The following ASTN2 variants were observed in gnomAD, a reference collection of about 807,000 sequenced individuals.
The protein encoded by ASTN2 is astrotactin 2.
Under a neutral mutation model 139.8 loss-of-function variants are expected in ASTN2, and 54 were observed. The observed-to-expected ratio is 0.39, with a 90% CI of 0.31 to 0.48. The LOEUF is 0.48. Ranked by LOEUF, ASTN2 falls within the 20% of genes least tolerant of loss-of-function variation. The probability of loss-of-function intolerance (pLI) is 0.95; values close to 1 mark genes in which losing one functional copy is unlikely to be tolerated. For synonymous variants in ASTN2, 756 were observed against 719.5 expected (o/e 1.05, Z -0.81); for missense variants, 1,565 against 1,725.1 (o/e 0.91, Z 1.64).
At chr9:116,917,834 G>A (rs775310938) in intron 10 of ASTN2, among the ~76,000 whole-genome samples, 2 of 152,160 alleles carry the variant, frequency 1.3e-5, no homozygotes, top group Admixed American at 6.5e-5. Flanking sequence ...ATGAACATGG[G>A]AGATATGGTA....
At chr9:116,944,532 T>G (rs943907885) in intron 10 of ASTN2, among the ~76,000 whole-genome samples, 1 of 151,316 alleles carries the variant, frequency 6.6e-6, no homozygotes, top group African/African-American at 2.4e-5. Flanking sequence ...AATACAAAAA[T>G]TGGCTGGGCA....
chr9:117,231,206 C>G (rs1370565057), intron 2 of ASTN2, among the ~76,000 whole-genome samples: 1 of 152,174 alleles, frequency 6.6e-6, no homozygotes, highest in East Asian at 1.9e-4. Flanking sequence ...ACATGCATCA[C>G]TCTGCTGAGT....
intron 16 of ASTN2, among the ~76,000 whole-genome samples, chr9:116,712,927 A>G (rs532528887): frequency 1.1e-4 from 17 of 152,192 alleles, no homozygotes; most frequent in Middle Eastern, 3.4e-3. Flanking sequence ...CTGGCATGTA[A>G]TGAATTCTCA....
chr9:117,377,811 A>C (rs1429211442), intron 1 of ASTN2, among the ~76,000 whole-genome samples: 2 of 152,176 alleles, frequency 1.3e-5, no homozygotes, highest in East Asian at 3.8e-4. Flanking sequence ...AAAGATTTCC[A>C]ATCATTTTAA....
intron 6 of ASTN2, among the ~76,000 whole-genome samples, chr9:117,014,075 T>A (rs1837608004): frequency 6.6e-6 from 1 of 152,130 alleles, no homozygotes; most frequent in Admixed American, 6.6e-5. Flanking sequence ...TTCCCTCCCT[T>A]CTGTTACATC....
At chr9:116,902,919 T>C (rs1834057784) in intron 10 of ASTN2, among the ~76,000 whole-genome samples, 1 of 152,300 alleles carries the variant, frequency 6.6e-6, no homozygotes. Flanking sequence ...TTCCCATGTC[T>C]TTGAAGAGCC....
chr9:117,148,823 C>G (rs1474431516), intron 3 of ASTN2, among the ~76,000 whole-genome samples: 2 of 152,048 alleles, frequency 1.3e-5, no homozygotes, highest in Non-Finnish European at 2.9e-5. Context: ...GAGCCTCATC[C>G]ACTCAAGTGA....
At chr9:117,108,438 A>AACACACACACACACACACACAC (rs3041147) in intron 4 of ASTN2, among the ~76,000 whole-genome samples, 7,068 of 145,180 alleles carry the variant, frequency 0.049, 265 homozygotes, top group Non-Finnish European at 0.072. Flanking sequence ...AACAAAACAA[A>AACACACACACACACACACACAC]ACACACACAC....
At chr9:116,671,538 C>A (rs1859195054) in intron 16 of ASTN2, among the ~76,000 whole-genome samples, 1 of 152,066 alleles carries the variant, frequency 6.6e-6, no homozygotes, top group Non-Finnish European at 1.5e-5. Flanking sequence ...TCTAAAATGG[C>A]CTTCAACAAT....
intron 13 of ASTN2, among the ~76,000 whole-genome samples, chr9:116,790,974 A>AAGAAAGAAG (rs1830523261): frequency 0.02 from 936 of 45,688 alleles, 7 homozygotes; most frequent in East Asian, 0.025. Context: ...AAGGAAAGAA[A>AAGAAAGAAG]GAAAGAAAGA....
chr9:117,169,386 A>C (rs1479924972), intron 3 of ASTN2, among the ~76,000 whole-genome samples: 4 of 152,120 alleles, frequency 2.6e-5, no homozygotes, highest in Admixed American at 2.6e-4. Flanking sequence ...GAAAAGAAAA[A>C]AGAAAGGAAG....
intron 17 of ASTN2, among the ~76,000 whole-genome samples, chr9:116,638,122 T>A (rs969260080): frequency 1.3e-5 from 2 of 152,188 alleles, no homozygotes; most frequent in African/African-American, 2.4e-5. Flanking sequence ...TCTATTTCTT[T>A]CTTCTCGTAG....
At position 116,820,653 on chromosome 9, in the gene ASTN2, T is replaced by C; in HGVS notation, c.2171A>G (p.Tyr724Cys). The change falls in exon 12 of 23, where the codon TAC (tyrosine) becomes TGC (cysteine). Residue 724 changes from tyrosine (Y) to cysteine (C), a missense_variant. By Grantham distance (194) the Tyr-to-Cys change is radical. This residue lies in a region of ASTN2 where 503 missense variants were observed against 591.7 expected (regional missense o/e 0.85). Transcript: ENST00000313400. Reference sequence around the variant, plus strand: ...GAAGATGGTGCTCGAAGTGGCATCGTAGGGCAGGGGCAGCGTCTGCTGCAG... The same window carrying C: ...GAAGATGGTGCTCGAAGTGGCATCGCAGGGCAGGGGCAGCGTCTGCTGCAG... ...LCLQQTLPLPYDATSSTIFMF... is the reference protein window; with the variant it reads ...LCLQQTLPLPCDATSSTIFMF... The C allele has an allele frequency of 1.2e-6, 2 of 1,614,158 alleles. No individual in the cohort carries two copies. Among genetic ancestry groups the C allele is most frequent in the Non-Finnish European group, 1.7e-6 (2 of 1,180,006 alleles).
At chr9:117,344,310 C>G (rs1184788411) in intron 1 of ASTN2, among the ~76,000 whole-genome samples, 1 of 152,154 alleles carries the variant, frequency 6.6e-6, no homozygotes, top group Non-Finnish European at 1.5e-5. Context: ...GGTTTGGGAG[C>G]TAGAGCTAGG....
chr9:116,732,382 G>A (rs1298642540), intron 14 of ASTN2, among the ~76,000 whole-genome samples: 1 of 152,212 alleles, frequency 6.6e-6, no homozygotes, highest in Admixed American at 6.5e-5. Context: ...GCTCACGGGA[G>A]TTAGATGACT....
intron 10 of ASTN2, among the ~76,000 whole-genome samples, chr9:116,952,780 G>T (rs549252190): frequency 6.6e-6 from 1 of 152,172 alleles, no homozygotes; most frequent in Non-Finnish European, 1.5e-5. Flanking sequence ...AGCAATCGCC[G>T]TTGGAGCTGC....
intron 2 of ASTN2, among the ~76,000 whole-genome samples, chr9:117,240,980 C>G (rs923379296): frequency 6.6e-6 from 1 of 152,210 alleles, no homozygotes; most frequent in African/African-American, 2.4e-5. Flanking sequence ...TCCTTTCCAT[C>G]TGAGCCTTTC....
chr9:116,750,740 C>A (rs933246119), intron 13 of ASTN2, among the ~76,000 whole-genome samples: 2 of 152,130 alleles, frequency 1.3e-5, no homozygotes, highest in African/African-American at 4.8e-5. Context: ...AAGTTGGAGC[C>A]ACAAGCAGAA....
intron 6 of ASTN2, among the ~76,000 whole-genome samples, chr9:117,013,690 CA>C (rs1484101338): frequency 1.3e-5 from 2 of 151,952 alleles, no homozygotes; most frequent in African/African-American, 4.8e-5. Context: ...CAGCATAGAT[CA>C]GGGGTGAGCT....
Sources: gnomAD v4.1 joint callset for allele counts (sites outside exome capture counted in the v4.1 genomes callset) on GRCh38, gnomAD v4.1.1 for gene constraint, gnomAD v4.1.1 regional missense constraint, MANE v1.5 for transcripts, NCBI Gene and HGNC (gene_info 2026-07-23, HGNC 2026-07-21) for gene names.